Variants in NR2C1 observed in about 807,000 individuals in gnomAD.
The protein encoded by NR2C1 is TR2 nuclear hormone receptor.
NR2C1 carries 33 observed loss-of-function variants against 74.8 expected under a neutral mutation model. The observed-to-expected ratio is 0.44, with a 90% CI of 0.33 to 0.59. NR2C1 has a LOEUF of 0.59. Ranked by LOEUF, NR2C1 falls within the 20% of genes least tolerant of loss-of-function variation. The pLI is 0.02. For synonymous variants in NR2C1, 225 were observed against 240.6 expected (o/e 0.94, Z 0.60); for missense variants, 568 against 715.6 (o/e 0.79, Z 2.35).
At position 95,022,366 on chromosome 12, in the gene NR2C1, G is replaced by A. The variant is rs751298922; in HGVS notation, c.1675C>T (p.Leu559=). The change falls in exon 14 of 14, where the codon CTG becomes TTG. Residue 559 remains leucine, a synonymous_variant. Transcript: ENST00000333003. ...RLLLRLPALR[L]MNATITEELF... ...TCTTCAGTGATGGTAGCATTCATCA[G>A]TCTTAAAGCTGGCAATCTGAGTAGT... 9.9e-6 allele frequency: 16 copies of A among 1,612,888 alleles called. No individual in the cohort carries two copies. The highest frequency in any genetic ancestry group is 6.7e-5 in the East Asian group (3 of 44,842).
chr12:95,043,628 T>A (rs1047815193), intron 9 of NR2C1, among the ~76,000 whole-genome samples: 2 of 145,972 alleles, frequency 1.4e-5, no homozygotes, highest in Non-Finnish European at 3.0e-5. Context: ...GGGTAGAGGC[T>A]GCAGTGAGCC....
chr12:95,055,952 CAAAAAAA>C (rs3048563), intron 7 of NR2C1, among the ~76,000 whole-genome samples: 15 of 56,500 alleles, frequency 2.7e-4, no homozygotes, highest in African/African-American at 1.1e-3. Context: ...GACTCCGTCT[CAAAAAAA>C]AAAAAAAAAA....
intron 9 of NR2C1, 66 bp from the exon 10 acceptor site, chr12:95,040,663 G>A: frequency 6.8e-7 from 1 of 1,477,192 alleles, no homozygotes; most frequent in Non-Finnish European, 9.2e-7. Context: ...TCATTTCTTT[G>A]AAAAAGTTTA....
intron 11 of NR2C1, 27 bp downstream of exon 11, chr12:95,031,322 G>T: frequency 2.0e-6 from 3 of 1,516,940 alleles, no homozygotes; most frequent in Non-Finnish European, 2.6e-6. Flanking sequence ...CCTACAACCT[G>T]GAAAAGGTAA....
chr12:95,052,611 A>G (rs1873187987), intron 7 of NR2C1, among the ~76,000 whole-genome samples: 1 of 151,948 alleles, frequency 6.6e-6, no homozygotes, highest in Non-Finnish European at 1.5e-5. Context: ...GTGCACTGCT[A>G]TGCCTGGGTT....
chr12:95,025,329 CAGAA>C (rs1869222255), intron 12 of NR2C1, 74 bp from the exon 13 acceptor site: 2 of 762,514 alleles, frequency 2.6e-6, no homozygotes, highest in Admixed American at 2.9e-5. Flanking sequence ...TGAAAAGAGA[CAGAA>C]AGAATAGTCA....
intron 2 of NR2C1, among the ~76,000 whole-genome samples, chr12:95,064,407 C>T (rs1250604000): frequency 1.3e-5 from 2 of 151,308 alleles, no homozygotes; most frequent in African/African-American, 2.4e-5. Context: ...CCATCAATAT[C>T]TGGTTATGAC....
At chr12:95,072,976 G>C (rs1334766200) in intron 1 of NR2C1, 1 of 152,280 alleles carries the variant, frequency 6.6e-6, no homozygotes, top group Non-Finnish European at 1.5e-5. Flanking sequence ...GCCGGCGTTA[G>C]CCGTGCGCCC....
At chr12:95,066,541 C>T (rs1479210581) in intron 2 of NR2C1, among the ~76,000 whole-genome samples, 1 of 152,148 alleles carries the variant, frequency 6.6e-6, no homozygotes, top group Non-Finnish European at 1.5e-5. Flanking sequence ...AGTTGTTCGA[C>T]ACTACATCAA....
At chr12:95,070,352 G>C (rs573037642) in intron 1 of NR2C1, among the ~76,000 whole-genome samples, 8 of 152,096 alleles carry the variant, frequency 5.3e-5, no homozygotes, top group African/African-American at 1.9e-4. Flanking sequence ...GGCTGGTCTC[G>C]AATTCTTGAT....
chr12:95,038,470 A>G (rs1001450988), intron 10 of NR2C1, among the ~76,000 whole-genome samples: 1 of 152,264 alleles, frequency 6.6e-6, no homozygotes, highest in Non-Finnish European at 1.5e-5. Flanking sequence ...AAATTAGTCA[A>G]TTGCTGGCTA....
intron 10 of NR2C1, among the ~76,000 whole-genome samples, chr12:95,036,336 G>C (rs935325128): frequency 6.6e-6 from 1 of 151,444 alleles, no homozygotes; most frequent in Non-Finnish European, 1.5e-5. Context: ...ACTTTGGGAG[G>C]CTCGGCTGGG....
rs781461224 is a variant in NR2C1 at position 95,051,845 on chromosome 12, T to G, written c.882A>C (p.Glu294Asp). 2 of 1,611,570 alleles carry G rather than the reference T, an allele frequency of 1.2e-6. No individual in the cohort carries two copies. Among genetic ancestry groups the G allele is most frequent in the Admixed American group, 1.7e-5 (1 of 59,114 alleles). Residue 294 changes from glutamate (E) to aspartate (D), a missense_variant, in exon 8 of 14, where the codon GAA becomes GAC. Around this residue, in one of 6 missense-constraint regions of NR2C1, gnomAD observed 239 missense variants for 232.3 expected, o/e 1.03. Transcript: ENST00000333003. Reference protein sequence around the residue: ...KTKDLSQNSNEMSMIESLSND... With the variant: ...KTKDLSQNSNDMSMIESLSND... Reference sequence around the variant, plus strand: ...TGCTTAAGCTTTCAATCATAGACATTTCATTACTATTTTGAGAAAGATCTT... The same window carrying G: ...TGCTTAAGCTTTCAATCATAGACATGTCATTACTATTTTGAGAAAGATCTT...
Position 95,058,156 on chromosome 12 carries a change from A to G in NR2C1, c.544+154T>C, listed in dbSNP as rs1874200333. On this transcript the variant is annotated intron_variant, in intron 5 of 13. Coordinates refer to ENST00000333003, the MANE Select transcript of NR2C1 (RefSeq NM_003297.4). ...TCAATAAATATTAGTTGAATAAATA[A>G]AAAAGTACATACGTAGGTCTGTATT... 1.5e-5 allele frequency: 10 copies of G among 686,764 alleles called. No homozygotes were observed. In the East Asian group the frequency reaches 2.8e-4, roughly 19 times the overall value. The allele number at this position is 686,764 out of a possible 1,614,324, so 42.5% of individuals were successfully genotyped here.
intron 11 of NR2C1, chr12:95,030,601 G>T: frequency 1.2e-6 from 2 of 1,613,272 alleles, no homozygotes; most frequent in Non-Finnish European, 1.7e-6. Context: ...ATCTATTTTT[G>T]ATGACATTTT....
chr12:95,025,725 C>CT (rs1473097894), intron 12 of NR2C1, among the ~76,000 whole-genome samples: 1 of 146,354 alleles, frequency 6.8e-6, no homozygotes, highest in Non-Finnish European at 1.5e-5. Context: ...AGGCCACCTA[C>CT]TATATACCAA....
intron 2 of NR2C1, among the ~76,000 whole-genome samples, chr12:95,065,070 A>G (rs1225560251): frequency 2.6e-5 from 4 of 152,262 alleles, no homozygotes; most frequent in Non-Finnish European, 5.9e-5. Context: ...AATAATTGTA[A>G]TAATTGAATA....
At chr12:95,022,700 A>ATTTT (rs373684275) in intron 13 of NR2C1, among the ~76,000 whole-genome samples, 3,098 of 143,320 alleles carry the variant, frequency 0.022, 86 homozygotes, top group African/African-American at 0.069. Flanking sequence ...AAGTTATACA[A>ATTTT]TTTTTTTTTT....
intron 7 of NR2C1, among the ~76,000 whole-genome samples, chr12:95,053,838 C>T (rs983558707): frequency 1.1e-4 from 17 of 152,070 alleles, no homozygotes; most frequent in Non-Finnish European, 2.2e-4. Flanking sequence ...CGCCCGCCAC[C>T]ATGCCCAGCT....
Sources: allele counts gnomAD v4.1 joint callset (sites outside exome capture counted in the v4.1 genomes callset), GRCh38; gene constraint gnomAD v4.1.1; regional missense constraint gnomAD v4.1.1; transcripts MANE v1.5; gene names NCBI Gene and HGNC (gene_info 2026-07-23, HGNC 2026-07-21).